The following ATP7A variants were observed in gnomAD, a reference collection of about 807,000 sequenced individuals.
ATP7A encodes the protein ATPase copper transporting alpha.
A neutral mutation model predicts 83.5 loss-of-function variants in ATP7A; 7 were observed. The observed-to-expected ratio is 0.08, with a 90% CI of 0.05 to 0.16. The LOEUF is 0.16. ATP7A is among the 10% of genes least tolerant of loss of function. The pLI is 1.00. For synonymous variants in ATP7A, 354 were observed against 395.2 expected, an observed-to-expected ratio of 0.90 and a Z score of 1.24; for missense variants, 940 against 1,120.8, an observed-to-expected ratio of 0.84 and a Z score of 2.30.
intron 6 of ATP7A, among the ~76,000 whole-genome samples, chrX:78,004,602 G>T (rs1429418274): frequency 1.8e-5 from 2 of 110,397 alleles, no homozygotes; most frequent in Non-Finnish European, 3.8e-5. Flanking sequence ...AAAAATTTAG[G>T]CCAGTCATGG....
chrX:78,004,662 C>G (rs2077761842), intron 6 of ATP7A, among the ~76,000 whole-genome samples: 1 of 110,448 alleles, frequency 9.1e-6, no homozygotes, highest in Admixed American at 9.7e-5. Context: ...GTGGGTAGAT[C>G]ACTTGAGGTC....
chrX:78,033,659 T>C lies in ATP7A; in HGVS notation c.3349T>C (p.Cys1117Arg), dbSNP rs1557237420. The change falls in exon 17 of 23, where the codon TGT (cysteine) becomes CGT (arginine). Residue 1117 changes from cysteine to arginine, a missense_variant. Cys to Arg is a radical substitution (Grantham distance 180). Coordinates refer to ENST00000341514, the MANE Select transcript of ATP7A (RefSeq NM_000052.7). ...TCIDFQVVPGCGISCKVTNIE... is the reference protein window; with the variant it reads ...TCIDFQVVPGRGISCKVTNIE... ...CATAGATTTCCAGGTTGTGCCAGGC[T>C]GTGGTATTAGCTGTAAAGTCACCAA... 8.3e-7 allele frequency: 1 copy of C among 1,211,817 alleles called. No individual in the cohort carries two copies. The highest frequency in any genetic ancestry group is 1.1e-6 in the Non-Finnish European group (1 of 895,486).
chrX:78,046,310 T>C lies in ATP7A; in HGVS notation c.4243T>C (p.Tyr1415His). ...LFLKLYRKPT[Y>H]ESYELPARSQ... The stretch of plus-strand genomic sequence containing the variant: ...TATGTCCAGTTACAGGAAACCAACT[T>C]ACGAGAGTTATGAACTGCCTGCCCG... The change falls in exon 23 of 23, where the codon TAC (tyrosine) becomes CAC (histidine). Residue 1415 changes from tyrosine (Y) to histidine (H), a missense_variant. This residue lies in a region of ATP7A where 386 missense variants were observed against 502.2 expected (regional missense o/e 0.77). Transcript: ENST00000341514. 1 of 1,211,771 alleles carries C rather than the reference T, an allele frequency of 8.3e-7. No homozygotes were observed. The highest frequency in any genetic ancestry group is 1.1e-6 in the Non-Finnish European group (1 of 895,432).
chrX:77,955,049 C>T (rs1281419364), intron 1 of ATP7A, among the ~76,000 whole-genome samples: 1 of 110,992 alleles, frequency 9.0e-6, no homozygotes, highest in Non-Finnish European at 1.9e-5. Flanking sequence ...ACTACCCAGC[C>T]TAAGAAGTTA....
At chrX:77,932,972 G>A (rs1557224719) in intron 1 of ATP7A, among the ~76,000 whole-genome samples, 1 of 110,842 alleles carries the variant, frequency 9.0e-6, no homozygotes, top group East Asian at 2.8e-4. Flanking sequence ...TCTTAAGACT[G>A]TCTCCAACTG....
intron 1 of ATP7A, among the ~76,000 whole-genome samples, chrX:77,934,633 A>C (rs1378584583): frequency 9.0e-6 from 1 of 110,658 alleles, no homozygotes; most frequent in Non-Finnish European, 1.9e-5. Context: ...ATTGCAACCC[A>C]TCACATGAGG....
rs1482601470 is a variant in ATP7A at position 78,049,606 on chromosome X, C to T, written c.*3036C>T. The T allele has an allele frequency of 1.8e-5, 2 of 112,356 alleles. No homozygotes were observed. The highest frequency in any genetic ancestry group is 3.8e-5 in the Non-Finnish European group (2 of 53,107). The allele number at this position is 112,356 out of a possible 1,213,427, so 9.3% of individuals were successfully genotyped here. On this transcript the variant is annotated 3_prime_UTR_variant, in exon 23 of 23. Transcript: ENST00000341514. The stretch of plus-strand genomic sequence containing the variant: ...TTGTGAAAATAGAAACGTTATTTTT[C>T]CTAGTTTAGTATCAACATTTTAGAA...
intron 14 of ATP7A, among the ~76,000 whole-genome samples, chrX:78,028,776 A>G (rs1173213862): frequency 8.9e-6 from 1 of 112,656 alleles, no homozygotes; most frequent in Admixed American, 9.4e-5. Flanking sequence ...ATTAGCAGAT[A>G]TACTTGGTTC....
At chrX:77,928,312 A>G (rs1259164085) in intron 1 of ATP7A, among the ~76,000 whole-genome samples, 2 of 111,380 alleles carry the variant, frequency 1.8e-5, no homozygotes, top group Non-Finnish European at 3.8e-5. Context: ...AATGATTTTG[A>G]AAAAAAAGAC....
At chrX:78,000,652 T>C (rs1250134088) in intron 5 of ATP7A, among the ~76,000 whole-genome samples, 2 of 107,377 alleles carry the variant, frequency 1.9e-5, no homozygotes, top group African/African-American at 6.7e-5. Flanking sequence ...TATATTAATA[T>C]AATATATAAA....
chrX:78,002,396 A>C (rs1426786037), intron 5 of ATP7A, among the ~76,000 whole-genome samples: 3 of 110,566 alleles, frequency 2.7e-5, no homozygotes, highest in African/African-American at 9.8e-5. Flanking sequence ...CCCTTTCTCT[A>C]GTACTCTGTC....
chrX:77,969,043 C>G lies in ATP7A; in HGVS notation c.-21-2578C>G, dbSNP rs2077527201. 5 of 1,210,269 alleles carry G rather than the reference C, an allele frequency of 4.1e-6. No homozygotes were observed. In the Admixed American group the frequency reaches 1.1e-4, roughly 26 times the overall value. ...CTCCATGATAGCCTCTTCAGAGAGA[C>G]CCTCCACATGCTTGGCAATGCCCTG... On this transcript the variant is annotated intron_variant, in intron 1 of 22. Coordinates refer to ENST00000341514, the MANE Select transcript of ATP7A (RefSeq NM_000052.7).
intron 1 of ATP7A, among the ~76,000 whole-genome samples, chrX:77,927,694 G>A (rs782010029): frequency 9.0e-6 from 1 of 110,898 alleles, no homozygotes; most frequent in East Asian, 2.8e-4. Context: ...GTGCAGGTTT[G>A]TTACATACGT....
Position 78,038,986 on chromosome X carries a change from A to G in ATP7A, c.3658+4A>G. 1 of 1,208,931 alleles carries G rather than the reference A, an allele frequency of 8.3e-7. No homozygotes were observed. Among genetic ancestry groups the G allele is most frequent in the Non-Finnish European group, 1.1e-6 (1 of 893,032 alleles). On this transcript the variant is annotated splice_donor_region_variant and intron_variant, in intron 18 of 22. Coordinates refer to ENST00000341514, the MANE Select transcript of ATP7A (RefSeq NM_000052.7). ...GCTGTATTAGTAGCAGTTGATGGTA[A>G]GGTTTTCCATAAGTATGCTATAACT...
rs782078242 is a variant in ATP7A, at chrX:78,049,985, C to T, written c.*3415C>T. 1 of 112,061 alleles carries T rather than the reference C, an allele frequency of 8.9e-6. No individual in the cohort carries two copies. The highest frequency in any genetic ancestry group is 3.2e-5 in the African/African-American group (1 of 30,855). 9.2% of individuals were successfully genotyped at this position (112,061 alleles called of 1,213,427 possible). Reference sequence around the variant, plus strand: ...TTTTGTTTGTTTTGTTTCTTTTCTACATTTTTAAGTATTATTTTACAAAAT... The same window carrying T: ...TTTTGTTTGTTTTGTTTCTTTTCTATATTTTTAAGTATTATTTTACAAAAT... On this transcript the variant is annotated 3_prime_UTR_variant, in exon 23 of 23. Transcript: ENST00000341514.
Position 77,989,228 on chromosome X carries a change from A to T in ATP7A, c.611-5A>T, listed in dbSNP as rs1557231730. ...GAATTAATTATATTTCTTTTTATTAACTAGTCTCCCTGGACAATCAAGAAG... is the reference window on the plus strand; with the variant it reads ...GAATTAATTATATTTCTTTTTATTATCTAGTCTCCCTGGACAATCAAGAAG... On this transcript the variant is annotated splice_polypyrimidine_tract_variant and splice_region_variant and intron_variant, in intron 3 of 22. Transcript: ENST00000341514. The T allele has an allele frequency of 8.3e-7, 1 of 1,200,514 alleles. No homozygotes were observed.
At chrX:77,991,784 G>A (rs1203403907) in intron 4 of ATP7A, among the ~76,000 whole-genome samples, 1 of 110,373 alleles carries the variant, frequency 9.1e-6, no homozygotes, top group Non-Finnish European at 1.9e-5. Flanking sequence ...CACTTTTGGA[G>A]GCTGAGGCAG....
chrX:77,971,638 C>A lies in ATP7A; in HGVS notation c.-4C>A. 1 of 1,209,867 alleles carries A rather than the reference C, an allele frequency of 8.3e-7. No homozygotes were observed. The highest frequency in any genetic ancestry group is 1.1e-6 in the Non-Finnish European group (1 of 893,957). The stretch of plus-strand genomic sequence containing the variant: ...TCTAACAGGAATGTAATGAGGAAAT[C>A]AAAATGGATCCAAGTATGGGTGTGA... On this transcript the variant is annotated 5_prime_UTR_variant, in exon 2 of 23. It introduces an in-frame stop codon into an upstream open reading frame of the 5' UTR. Transcript: ENST00000341514.
chrX:78,023,999 C>T (rs1457419664), intron 14 of ATP7A, among the ~76,000 whole-genome samples: 1 of 111,264 alleles, frequency 9.0e-6, no homozygotes, highest in Admixed American at 9.6e-5. Context: ...AGTCCAGTTT[C>T]ATTCTTCTGC....
Sources: gnomAD v4.1 joint callset for allele counts (sites outside exome capture counted in the v4.1 genomes callset) on GRCh38, gnomAD v4.1.1 for gene constraint, gnomAD v4.1.1 regional missense constraint, MANE v1.5 for transcripts, NCBI Gene and HGNC (gene_info 2026-07-23, HGNC 2026-07-21) for gene names.